CFAP74: variants seen among roughly 807,000 people sequenced by gnomAD.
CFAP74 encodes the protein cilia and flagella associated protein 74, also known as cilia- and flagella-associated protein 74.
A neutral mutation model predicts 188.9 loss-of-function variants in CFAP74; 124 were observed. That is an observed-to-expected ratio of 0.66 (90% CI 0.57 to 0.76). The LOEUF (loss-of-function observed/expected upper bound fraction) is 0.76, where lower values mean the gene tolerates loss of function less well. Among genes scored for constraint, CFAP74 ranks in the 30% least tolerant of loss-of-function variants. CFAP74 has a pLI of 0.00. For synonymous variants in CFAP74, 956 were observed against 916.7 expected (o/e 1.04, Z -0.77); for missense variants, 2,198 against 2,165.2 (o/e 1.02, Z -0.30).
chr1:1,999,704 C>G (rs1658101206), intron 1 of CFAP74, among the ~76,000 whole-genome samples: 1 of 152,084 alleles, frequency 6.6e-6, no homozygotes, highest in South Asian at 2.1e-4. Context: ...GTAACCCCAG[C>G]TACTCGGGAG....
chr1:1,958,540 G>T (rs1570914317), intron 16 of CFAP74, among the ~76,000 whole-genome samples: 1 of 152,362 alleles, frequency 6.6e-6, no homozygotes, highest in East Asian at 1.9e-4. Flanking sequence ...CGGGGGCCGG[G>T]GGGACAATGA....
intron 13 of CFAP74, among the ~76,000 whole-genome samples, chr1:1,964,312 G>A (rs375670372): frequency 6.6e-6 from 1 of 152,200 alleles, no homozygotes; most frequent in Non-Finnish European, 1.5e-5. Flanking sequence ...TCCCTGTCCC[G>A]AGGTTCAGGG....
intron 1 of CFAP74, among the ~76,000 whole-genome samples, chr1:1,991,894 G>A (rs1435683012): frequency 6.6e-6 from 1 of 151,832 alleles, no homozygotes; most frequent in Non-Finnish European, 1.5e-5. Context: ...GAAAAAATTA[G>A]CCGGGCATGG....
intron 15 of CFAP74, among the ~76,000 whole-genome samples, chr1:1,959,482 T>C (rs1358632295): frequency 6.6e-6 from 1 of 152,150 alleles, no homozygotes; most frequent in Non-Finnish European, 1.5e-5. Context: ...CCCAGGCTGG[T>C]CTTGAACTTC....
chr1:1,925,612 A>G (rs550138739), intron 33 of CFAP74, among the ~76,000 whole-genome samples, 171 bp downstream of exon 33: 1 of 152,300 alleles, frequency 6.6e-6, no homozygotes, highest in Admixed American at 6.5e-5. Flanking sequence ...GGTTCCCTGC[A>G]GGAGAGGGCG....
chr1:1,987,251 C>T (rs1657300245), intron 4 of CFAP74, among the ~76,000 whole-genome samples: 1 of 152,348 alleles, frequency 6.6e-6, no homozygotes, highest in East Asian at 1.9e-4. Flanking sequence ...TGGCCCCCAC[C>T]CGAAGGTGAC....
chr1:1,980,711 C>T (rs979717264), intron 6 of CFAP74, among the ~76,000 whole-genome samples: 1 of 152,222 alleles, frequency 6.6e-6, no homozygotes, highest in Non-Finnish European at 1.5e-5. Context: ...GAGACACATG[C>T]AGCATCCCGT....
At chr1:1,999,095 A>G (rs1343537874) in intron 1 of CFAP74, among the ~76,000 whole-genome samples, 1 of 152,158 alleles carries the variant, frequency 6.6e-6, no homozygotes, top group Non-Finnish European at 1.5e-5. Context: ...TGAATTTTAA[A>G]ATGTATATGG....
At chr1:1,987,161 AG>A in intron 4 of CFAP74, 126 bp from the exon 5 acceptor site, 1 of 699,150 alleles carries the variant, frequency 1.4e-6, no homozygotes, top group Admixed American at 2.6e-5. Context: ...CACCCGGGCC[AG>A]GGGTCTCTCT....
intron 18 of CFAP74, 69 bp downstream of exon 18, chr1:1,955,622 C>T (rs1232763139): frequency 3.1e-6 from 5 of 1,612,898 alleles, no homozygotes; most frequent in Admixed American, 1.7e-5. Flanking sequence ...GGCCCCTCAG[C>T]CCCCTGGAAT....
At chr1:1,991,202 G>A (rs572183918) in intron 1 of CFAP74, among the ~76,000 whole-genome samples, 44 of 152,298 alleles carry the variant, frequency 2.9e-4, no homozygotes, top group African/African-American at 8.7e-4. Flanking sequence ...GAGGCCGGGC[G>A]CGGTGGCTCA....
intron 16 of CFAP74, 62 bp downstream of exon 16, chr1:1,959,058 C>T (rs1484953843): frequency 5.1e-6 from 6 of 1,172,446 alleles, no homozygotes; most frequent in Non-Finnish European, 7.6e-6. Context: ...GATGCCGTCC[C>T]CCACTGGGGT....
chr1:1,971,331 C>CA (rs1656037015), intron 9 of CFAP74, among the ~76,000 whole-genome samples: 4 of 147,280 alleles, frequency 2.7e-5, no homozygotes, highest in Non-Finnish European at 4.5e-5. Flanking sequence ...ACTTGCACAC[C>CA]TGCACACACG....
rs1475383393 is a variant in CFAP74, at chr1:1,960,043, A to G, written c.1695-13T>C. On this transcript the variant is annotated splice_polypyrimidine_tract_variant and intron_variant, in intron 14 of 38. Coordinates refer to ENST00000682832, the MANE Select transcript of CFAP74 (RefSeq NM_001304360.2). The stretch of plus-strand genomic sequence containing the variant: ...AGGGGGGTCAAAGCTGCAGGACGTG[A>G]CCCATAGCACACGGGGGTTAGTGCT... The G allele has an allele frequency of 2.5e-6, 4 of 1,593,688 alleles. No homozygotes were observed. Among genetic ancestry groups the G allele is most frequent in the Middle Eastern group, 1.7e-4 (1 of 6,002 alleles).
At chr1:1,924,064 C>A in intron 34 of CFAP74, 135 bp from the exon 35 acceptor site, 1 of 781,208 alleles carries the variant, frequency 1.3e-6, no homozygotes, top group Non-Finnish European at 1.8e-6. Flanking sequence ...CCCCCAATGG[C>A]CTTGCGCCCC....
chr1:1,967,000 CT>C (rs1655519098), intron 11 of CFAP74, among the ~76,000 whole-genome samples: 1 of 152,176 alleles, frequency 6.6e-6, no homozygotes, highest in Admixed American at 6.5e-5. Context: ...CCACACCCAG[CT>C]AATTTTTTGT....
Position 1,966,527 on chromosome 1 carries a change from C to T in CFAP74, c.1246-1G>A. On this transcript the variant is annotated splice_acceptor_variant, in intron 11 of 38. Coordinates refer to ENST00000682832, the MANE Select transcript of CFAP74 (RefSeq NM_001304360.2). LOFTEE classifies it high-confidence loss of function. The stretch of plus-strand genomic sequence containing the variant: ...CGGGGCCTGCAGCAGCCTCGTAGTC[C>T]TGCAGTCGGGGAGAGGAACATCGCA... 6.5e-7 allele frequency: 1 copy of T among 1,547,336 alleles called. No homozygotes were observed. Among genetic ancestry groups the T allele is most frequent in the Non-Finnish European group, 8.7e-7 (1 of 1,143,812 alleles).
At chr1:1,939,174 G>A (rs991604320) in intron 24 of CFAP74, among the ~76,000 whole-genome samples, 186 bp from the exon 25 acceptor site, 1 of 152,232 alleles carries the variant, frequency 6.6e-6, no homozygotes, top group African/African-American at 2.4e-5. Context: ...GTGTATGAGT[G>A]CATGAGCAAT....
chr1:1,940,584 C>A (rs540446902), intron 22 of CFAP74, among the ~76,000 whole-genome samples, 181 bp from the exon 23 acceptor site: 1 of 152,342 alleles, frequency 6.6e-6, no homozygotes, highest in East Asian at 1.9e-4. Context: ...GCACGTGGCC[C>A]CTGTGGCCCC....
Sources: gnomAD v4.1 joint callset for allele counts (sites outside exome capture counted in the v4.1 genomes callset) on GRCh38, gnomAD v4.1.1 for gene constraint, MANE v1.5 for transcripts, NCBI Gene and HGNC (gene_info 2026-07-23, HGNC 2026-07-21) for gene names.